TRMT11: variants seen among roughly 807,000 people sequenced by gnomAD.
TRMT11 encodes tRNA methyltransferase 11.
A neutral mutation model predicts 62.8 loss-of-function variants in TRMT11; 53 were observed. The observed-to-expected ratio is 0.84, with a 90% CI of 0.68 to 1.06. The LOEUF is 1.06. Ranked by LOEUF, TRMT11 falls within the 50% of genes least tolerant of loss-of-function variation. The probability of loss-of-function intolerance (pLI) is 0.00; values close to 1 mark genes in which losing one functional copy is unlikely to be tolerated. For synonymous variants in TRMT11, 188 were observed against 190.3 expected (o/e 0.99, Z 0.10); for missense variants, 556 against 553.4 (o/e 1.00, Z -0.05).
chr6:126,149,056 A>G (rs916394494), intron 21 of TRMT11, among the ~76,000 whole-genome samples: 1 of 152,232 alleles, frequency 6.6e-6, no homozygotes, highest in Admixed American at 6.5e-5. Context: ...CAAAGTTGAA[A>G]GCAAGTAGAT....
intron 1 of TRMT11, among the ~76,000 whole-genome samples, chr6:126,197,086 T>C (rs1277039859): frequency 6.6e-6 from 1 of 152,180 alleles, no homozygotes; most frequent in African/African-American, 2.4e-5. Flanking sequence ...CTGTCTGTTG[T>C]CTATTTATTC....
At chr6:125,994,962 A>G (rs1025197229) in intron 2 of TRMT11, among the ~76,000 whole-genome samples, 10 of 152,142 alleles carry the variant, frequency 6.6e-5, no homozygotes, top group African/African-American at 2.4e-4. Context: ...GAAACAACAC[A>G]CACTGGAGCC....
Position 126,003,241 on chromosome 6 carries a change from T to C in TRMT11, c.679+3628T>C, listed in dbSNP as rs149415502. Among the ~76,000 whole-genome samples the C allele has an allele frequency of 1.6e-4, 24 of 152,222 alleles. 2 individuals carry two copies. In the East Asian group the frequency reaches 4.6e-3, roughly 29 times the overall value. On this transcript the variant is annotated intron_variant, in intron 7 of 12. Coordinates refer to ENST00000334379, the MANE Select transcript of TRMT11 (RefSeq NM_001031712.3). ...TTGAATGTGGCCTGATACAAACTTGTAAAGTTTCTTAAAACGTTATGAGAA... is the reference window on the plus strand; with the variant it reads ...TTGAATGTGGCCTGATACAAACTTGCAAAGTTTCTTAAAACGTTATGAGAA...
chr6:126,047,027 T>G (rs1474993299), intron 16 of TRMT11, among the ~76,000 whole-genome samples: 3 of 152,026 alleles, frequency 2.0e-5, no homozygotes, highest in African/African-American at 7.2e-5. Flanking sequence ...GAGATACCCT[T>G]CATCCAGAGG....
At chr6:126,205,758 T>C (rs551640951), downstream of TRMT11, among the ~76,000 whole-genome samples, 25 of 151,570 alleles carry the variant, frequency 1.6e-4, no homozygotes, top group South Asian at 5.2e-3. Context: ...GCAAGAGGAG[T>C]TGAAGGAAAA....
At chr6:126,252,206 T>A in the TRMT11 span, among the ~76,000 whole-genome samples, 1 of 152,212 alleles carries the variant, frequency 6.6e-6, no homozygotes, top group African/African-American at 2.4e-5. Context: ...GTGACTCCAG[T>A]GGCAGAGCTG....
At chr6:126,137,355 C>T (rs1172010516) in intron 21 of TRMT11, among the ~76,000 whole-genome samples, 1 of 151,788 alleles carries the variant, frequency 6.6e-6, no homozygotes, top group Non-Finnish European at 1.5e-5. Flanking sequence ...GCTTAATAGA[C>T]ATTTCTCAAA....
At chr6:126,071,979 G>A (rs1408860427) in intron 17 of TRMT11, among the ~76,000 whole-genome samples, 1 of 152,104 alleles carries the variant, frequency 6.6e-6, no homozygotes, top group Non-Finnish European at 1.5e-5. Flanking sequence ...TGCTGATGCT[G>A]CTGCCACCAA....
At chr6:126,049,464 A>T (rs1776150174) in intron 16 of TRMT11, among the ~76,000 whole-genome samples, 1 of 151,466 alleles carries the variant, frequency 6.6e-6, no homozygotes, top group African/African-American at 2.4e-5. Context: ...AAGAGTGTTA[A>T]TTTTTTTTTC....
intron 1 of TRMT11, among the ~76,000 whole-genome samples, chr6:125,991,787 T>C (rs1583623567): frequency 6.6e-6 from 1 of 152,342 alleles, no homozygotes; most frequent in Non-Finnish European, 1.5e-5. Flanking sequence ...GTTTTACCTC[T>C]GATAGAGTTA....
intron 12 of TRMT11, 71 bp from the exon 13 acceptor site, chr6:126,038,634 G>A: frequency 2.9e-6 from 4 of 1,387,548 alleles, no homozygotes; most frequent in Non-Finnish European, 3.8e-6. Flanking sequence ...TTTTGCTTAA[G>A]GTAAACAACT....
At chr6:126,038,404 C>CT (rs1415428308) in intron 12 of TRMT11, among the ~76,000 whole-genome samples, 2 of 139,454 alleles carry the variant, frequency 1.4e-5, no homozygotes, top group Non-Finnish European at 3.0e-5. Flanking sequence ...AGCCTTGACT[C>CT]TGTTACTTGG....
upstream of TRMT11, among the ~76,000 whole-genome samples, chr6:126,173,045 G>A (rs1309616017): frequency 6.6e-6 from 1 of 152,148 alleles, no homozygotes; most frequent in Non-Finnish European, 1.5e-5. Context: ...ATTATGGTTA[G>A]GTAGTTGCCA....
chr6:126,101,189 A>G (rs1239055102), intron 17 of TRMT11, among the ~76,000 whole-genome samples: 1 of 152,162 alleles, frequency 6.6e-6, no homozygotes, highest in African/African-American at 2.4e-5. Context: ...GTTATTCAAC[A>G]TGGAGACTCC....
At chr6:126,155,829 T>A (rs1778113330) in intron 21 of TRMT11, among the ~76,000 whole-genome samples, 1 of 152,116 alleles carries the variant, frequency 6.6e-6, no homozygotes, top group Non-Finnish European at 1.5e-5. Context: ...CACGCCATTC[T>A]CCTGCCTCAG....
chr6:126,152,748 GTA>G (rs1778073368), intron 21 of TRMT11, among the ~76,000 whole-genome samples: 2 of 152,150 alleles, frequency 1.3e-5, no homozygotes, highest in African/African-American at 4.8e-5. Flanking sequence ...TAGGTTAGTT[GTA>G]TTACTCAGGA....
intron 2 of TRMT11, among the ~76,000 whole-genome samples, chr6:125,994,111 G>C (rs1791059738): frequency 6.6e-6 from 1 of 152,150 alleles, no homozygotes. Flanking sequence ...TTTAGAATTT[G>C]AATTTAGAAT....
intron 21 of TRMT11, among the ~76,000 whole-genome samples, chr6:126,121,662 T>G (rs571165443): frequency 6.6e-6 from 1 of 152,232 alleles, no homozygotes; most frequent in South Asian, 2.1e-4. Flanking sequence ...TAAAATGATG[T>G]ATGAAAGCAC....
chr6:125,986,685 G>A, intron 1 of TRMT11, 63 bp downstream of exon 1: 1 of 1,469,618 alleles, frequency 6.8e-7, no homozygotes, highest in African/African-American at 1.4e-5. Context: ...AGTGGAGTGG[G>A]TGGAGGTGAT....
Sources: allele counts gnomAD v4.1 joint callset (sites outside exome capture counted in the v4.1 genomes callset), GRCh38; gene constraint gnomAD v4.1.1; transcripts MANE v1.5; gene names NCBI Gene and HGNC (gene_info 2026-07-23, HGNC 2026-07-21).